The following ARL13B variants were observed in gnomAD, a reference collection of about 807,000 sequenced individuals.
The protein encoded by ARL13B is ARF like GTPase 13B.
ARL13B carries 36 observed loss-of-function variants against 56.1 expected under a neutral mutation model. That is an observed-to-expected ratio of 0.64 (90% confidence interval 0.49 to 0.85). The LOEUF (loss-of-function observed/expected upper bound fraction) is 0.85. Ranked by LOEUF, ARL13B falls within the 40% of genes least tolerant of loss-of-function variation. ARL13B has a pLI of 0.00. For synonymous variants in ARL13B, 178 were observed against 171.1 expected (o/e 1.04, Z -0.32); for missense variants, 519 against 507.1 (o/e 1.02, Z -0.23).
Position 94,035,428 on chromosome 3 carries a change from T to TG in ARL13B, c.479dup (p.Cys160TrpfsTer17). ...ATTGGTCAATGAGCACAAGTGCCTG[T>TG]GTCAGATAGTAAGGTTTTTTTTTTT... On this transcript the variant is annotated frameshift_variant, in exon 4 of 10. Transcript: ENST00000394222. LOFTEE classifies it high-confidence loss of function. The TG allele has an allele frequency of 6.3e-7, 1 of 1,582,854 alleles. No homozygotes were observed. Among genetic ancestry groups the TG allele is most frequent in the Non-Finnish European group, 8.6e-7 (1 of 1,164,682 alleles).
chr3:94,025,481 C>A (rs1310785099), intron 3 of ARL13B, among the ~76,000 whole-genome samples: 1 of 152,108 alleles, frequency 6.6e-6, no homozygotes, highest in African/African-American at 2.4e-5. Context: ...AGATCCTTTA[C>A]ATTATTAGGT....
At chr3:93,996,039 C>G (rs1170896183) in intron 2 of ARL13B, 95 bp downstream of exon 2, 8 of 1,263,772 alleles carry the variant, frequency 6.3e-6, no homozygotes, top group Non-Finnish European at 9.0e-6. Context: ...TAATTTGGTA[C>G]AGATACTGTG....
chr3:94,051,035 T>C, intron 9 of ARL13B, 143 bp downstream of exon 9: 2 of 695,478 alleles, frequency 2.9e-6, no homozygotes, highest in Non-Finnish European at 4.7e-6. Flanking sequence ...TACGTCTTTT[T>C]TCATTTTATT....
chr3:93,985,925 C>T (rs1334980433), intron 1 of ARL13B, among the ~76,000 whole-genome samples: 1 of 152,160 alleles, frequency 6.6e-6, no homozygotes, highest in Non-Finnish European at 1.5e-5. Context: ...GTTTTGTCCT[C>T]TTTGCTATGA....
rs557978880 is a variant in ARL13B at position 94,048,779 on chromosome 3, A to G, written c.1025-627A>G. Among the ~76,000 whole-genome samples, 401 of 151,928 alleles carry G rather than the reference A, an allele frequency of 2.6e-3. 3 individuals are homozygous for G. Among genetic ancestry groups the G allele is most frequent in the African/African-American group, 9.3e-3 (385 of 41,434 alleles). ...TGCTGGGGTTTTTTTTTTCCCCCAT[A>G]GAGATGAGGTCTCCTTATGTTGCCC... On this transcript the variant is annotated intron_variant, in intron 7 of 9. Transcript: ENST00000394222.
chr3:94,001,056 A>G (rs1429273202), intron 2 of ARL13B, among the ~76,000 whole-genome samples: 2 of 152,194 alleles, frequency 1.3e-5, no homozygotes, highest in Non-Finnish European at 2.9e-5. Context: ...ACAAAGACAT[A>G]GTCCCATGTG....
intron 1 of ARL13B, among the ~76,000 whole-genome samples, chr3:93,992,491 C>T (rs1481649411): frequency 2.0e-5 from 3 of 152,130 alleles, no homozygotes; most frequent in African/African-American, 7.2e-5. Context: ...ATTACCTCTC[C>T]AGTGCCTTTT....
At chr3:93,998,849 A>C (rs2076008057) in intron 2 of ARL13B, among the ~76,000 whole-genome samples, 1 of 151,016 alleles carries the variant, frequency 6.6e-6, no homozygotes, top group African/African-American at 2.4e-5. Context: ...CCATGCGCCT[A>C]GGTCTTCTTA....
At chr3:94,036,527 T>G (rs777857889) in intron 4 of ARL13B, 25 bp from the exon 5 acceptor site, 14 of 1,610,480 alleles carry the variant, frequency 8.7e-6, no homozygotes, top group Admixed American at 1.7e-5. Flanking sequence ...TTTTAATCTT[T>G]TAGTCAAATA....
At chr3:94,029,774 G>A (rs2076642576) in intron 3 of ARL13B, among the ~76,000 whole-genome samples, 1 of 152,062 alleles carries the variant, frequency 6.6e-6, no homozygotes, top group African/African-American at 2.4e-5. Context: ...AAACACAAAA[G>A]TCCTTCAGCG....
intron 3 of ARL13B, among the ~76,000 whole-genome samples, chr3:94,004,196 T>A (rs1463519466): frequency 1.3e-5 from 2 of 152,194 alleles, no homozygotes; most frequent in Non-Finnish European, 2.9e-5. Context: ...CATTTTGAAA[T>A]ACTCCATTAA....
Position 93,980,323 on chromosome 3 carries a change from A to G in ARL13B, c.-101A>G. 6.7e-7 allele frequency: 1 copy of G among 1,483,734 alleles called. No individual in the cohort carries two copies. Among genetic ancestry groups the G allele is most frequent in the Non-Finnish European group, 9.3e-7 (1 of 1,074,034 alleles). 91.9% of individuals were successfully genotyped at this position (1,483,734 alleles called of 1,614,324 possible). A position where few individuals can be genotyped will look rare whatever the true frequency, so the allele number is the denominator to read the frequency against. On this transcript the variant is annotated 5_prime_UTR_variant, in exon 1 of 10. Coordinates refer to ENST00000394222, the MANE Select transcript of ARL13B (RefSeq NM_001174150.2). ...CCCGGCTTTTCCTCCCGACTTATCC[A>G]CTTTAGGGGCGTCTCGGAGTGCCGG... is the stretch of plus-strand genomic sequence containing the variant.
At chr3:94,024,789 T>G (rs1036305776) in intron 3 of ARL13B, among the ~76,000 whole-genome samples, 3 of 152,194 alleles carry the variant, frequency 2.0e-5, no homozygotes, top group African/African-American at 7.2e-5. Flanking sequence ...GGTCTTGCTG[T>G]GTTGCTCAGG....
At chr3:93,995,244 G>C (rs1216901684) in intron 1 of ARL13B, among the ~76,000 whole-genome samples, 1 of 152,028 alleles carries the variant, frequency 6.6e-6, no homozygotes, top group Non-Finnish European at 1.5e-5. Context: ...GTCTGTAACT[G>C]ATTCATTGTG....
chr3:94,031,247 T>A (rs1428536546), intron 3 of ARL13B, among the ~76,000 whole-genome samples: 1 of 151,830 alleles, frequency 6.6e-6, no homozygotes, highest in Non-Finnish European at 1.5e-5. Context: ...GTAGTTGATT[T>A]GAAATGAAAA....
intron 9 of ARL13B, among the ~76,000 whole-genome samples, chr3:94,051,373 A>T (rs1576062915): frequency 6.6e-6 from 1 of 152,238 alleles, no homozygotes; most frequent in East Asian, 1.9e-4. Context: ...AAAATCAGAG[A>T]TCAAATCAGT....
intron 6 of ARL13B, among the ~76,000 whole-genome samples, 178 bp downstream of exon 6, chr3:94,040,166 A>T (rs1430410229): frequency 6.6e-6 from 1 of 152,200 alleles, no homozygotes; most frequent in Admixed American, 6.6e-5. Context: ...TCTTACTCTT[A>T]AATTACCTTT....
rs193030356 is a variant in ARL13B at position 94,013,801 on chromosome 3, A to T, written c.380+9893A>T. 2.9e-3 allele frequency among the ~76,000 whole-genome samples: 441 copies of T among 152,170 alleles called. 1 individual carries two copies. Among genetic ancestry groups the T allele is most frequent in the Non-Finnish European group, 5.4e-3 (368 of 67,980 alleles). On this transcript the variant is annotated intron_variant, in intron 3 of 9. Transcript: ENST00000394222. The stretch of plus-strand genomic sequence containing the variant: ...CCCTCTACTAAAAATACAAAAATTA[A>T]CCGAGTGTGGTGGTGCACACCTGTA...
intron 1 of ARL13B, among the ~76,000 whole-genome samples, chr3:93,981,584 C>A (rs1019352274): frequency 6.6e-6 from 1 of 152,004 alleles, no homozygotes; most frequent in African/African-American, 2.4e-5. Context: ...AAGATCAACT[C>A]TGTAAGTCAA....
Sources: allele counts gnomAD v4.1 joint callset (sites outside exome capture counted in the v4.1 genomes callset), GRCh38; gene constraint gnomAD v4.1.1; transcripts MANE v1.5; gene names NCBI Gene and HGNC (gene_info 2026-07-23, HGNC 2026-07-21).